CRYL1: variants seen among roughly 807,000 people sequenced by gnomAD.
CRYL1 encodes crystallin lambda 1, also known as lambda-crystallin homolog.
In CRYL1, 29 loss-of-function variants were observed where a neutral mutation model predicts 36.6. The ratio of observed to expected loss-of-function variants is 0.79; its 90% CI spans 0.59 to 1.08. The LOEUF is 1.08. Among genes scored for constraint, CRYL1 ranks in the 50% least tolerant of loss-of-function variants. The probability of loss-of-function intolerance (pLI) is 0.00; values close to 1 mark genes in which losing one functional copy is unlikely to be tolerated. For synonymous variants in CRYL1, 152 were observed against 151.5 expected, an observed-to-expected ratio of 1.00 and a Z score of -0.02; for missense variants, 411 against 407.9, an observed-to-expected ratio of 1.01 and a Z score of -0.06.
rs1033771591 is a variant in CRYL1, at chr13:20,525,668, C to T, written c.41+86G>A. 12 of 1,132,376 alleles carry T rather than the reference C, an allele frequency of 1.1e-5. No homozygotes were observed. The highest frequency in any genetic ancestry group is 1.4e-5 in the Non-Finnish European group (12 of 886,150). 70.1% of individuals were successfully genotyped at this position (1,132,376 alleles called of 1,614,324 possible). A position where few individuals can be genotyped will look rare whatever the true frequency, so the allele number is the denominator to read the frequency against. On this transcript the variant is annotated intron_variant, in intron 1 of 7. Coordinates refer to ENST00000298248, the MANE Select transcript of CRYL1 (RefSeq NM_015974.3). The surrounding 1 kb of genome is among the most constrained non-coding windows in gnomAD (Gnocchi z 4.3). ...CGGGGCGGGGACAGCGACCCGGCGC[C>T]CACCCCGAGGGCCCCACGCGAGGGC...
intron 3 of CRYL1, among the ~76,000 whole-genome samples, chr13:20,482,736 A>AGACTGT (rs2033302880): frequency 7.3e-6 from 1 of 136,514 alleles, no homozygotes; most frequent in South Asian, 2.5e-4. Flanking sequence ...TGTGGCAAGC[A>AGACTGT]GTCTGTGTGT....
intron 3 of CRYL1, among the ~76,000 whole-genome samples, chr13:20,466,680 C>CTGTGTGTGTGTGTGTGTG (rs1289115828): frequency 6.6e-5 from 2 of 30,470 alleles, no homozygotes; most frequent in African/African-American, 2.3e-4. Context: ...CTTTGGAAAA[C>CTGTGTGTGTGTGTGTGTG]TCTGTGTGTG....
intron 3 of CRYL1, among the ~76,000 whole-genome samples, chr13:20,482,674 G>A (rs1241944280): frequency 6.6e-6 from 1 of 152,216 alleles, no homozygotes; most frequent in Non-Finnish European, 1.5e-5. Context: ...ACTGGGCTTC[G>A]CCCCCTGGGG....
intron 1 of CRYL1, among the ~76,000 whole-genome samples, chr13:20,524,852 G>C (rs1343963409): frequency 6.6e-6 from 1 of 151,998 alleles, no homozygotes; most frequent in Non-Finnish European, 1.5e-5. Flanking sequence ...TCTCCACACC[G>C]GGTTGTACAC....
intron 3 of CRYL1, among the ~76,000 whole-genome samples, chr13:20,448,124 G>A (rs1327052771): frequency 2.6e-5 from 4 of 152,162 alleles, no homozygotes; most frequent in Non-Finnish European, 4.4e-5. Flanking sequence ...CAAAGAGAAT[G>A]CTAAAACTGA....
intron 3 of CRYL1, among the ~76,000 whole-genome samples, chr13:20,487,928 C>G (rs888247951): frequency 1.4e-4 from 22 of 152,068 alleles, no homozygotes; most frequent in Non-Finnish European, 2.9e-4. Context: ...ATGGTGAAAC[C>G]CTGTCTCTAC....
rs556983975 is a variant in CRYL1 at position 20,509,916 on chromosome 13, G to A, written c.149+2527C>T. Among the ~76,000 whole-genome samples the A allele has an allele frequency of 4.6e-5, 7 of 152,212 alleles. No homozygotes were observed. In the East Asian group the frequency reaches 1.4e-3, roughly 29 times the overall value. ...TTGCACTCCAGCCTGAGCTACAGAG[G>A]GAGACTGTCTCAAAACAAAACAAGA... On this transcript the variant is annotated intron_variant, in intron 2 of 7. Transcript: ENST00000298248.
chr13:20,439,521 AAAAAAAAAAG>A lies in CRYL1; in HGVS notation c.438+62_438+71del. ...ATTGACCCCCCTCCCCCGCAAAAAAAAAAAAAAAAGAAAAAAAAAAAACACAGAATGAGAT... is the reference window on the plus strand; with the variant it reads ...ATTGACCCCCCTCCCCCGCAAAAAAAAAAAAAAAAAAACACAGAATGAGAT... On this transcript the variant is annotated intron_variant, in intron 4 of 7. Coordinates refer to ENST00000298248, the MANE Select transcript of CRYL1 (RefSeq NM_015974.3). The A allele has an allele frequency of 4.1e-6, 4 of 963,876 alleles. No homozygotes were observed. In the South Asian group the frequency reaches 7.3e-5, roughly 18 times the overall value. The allele number at this position is 963,876 out of a possible 1,614,324, so 59.7% of individuals were successfully genotyped here.
At chr13:20,452,624 A>G (rs7319327) in intron 3 of CRYL1, among the ~76,000 whole-genome samples, 6 of 152,154 alleles carry the variant, frequency 3.9e-5, no homozygotes, top group African/African-American at 2.4e-5. Context: ...TACTATATTG[A>G]TGGATACATG....
At chr13:20,524,831 A>T (rs551232880) in intron 1 of CRYL1, among the ~76,000 whole-genome samples, 1 of 151,938 alleles carries the variant, frequency 6.6e-6, no homozygotes, top group South Asian at 2.1e-4. Context: ...ACACCCTGAC[A>T]TTGGAAGTGG....
intron 6 of CRYL1, among the ~76,000 whole-genome samples, chr13:20,409,719 G>A (rs868109195): frequency 3.2e-3 from 484 of 151,878 alleles, no homozygotes; most frequent in African/African-American, 0.01. Flanking sequence ...AAAAGTGGGC[G>A]AAGGACATGA....
intron 6 of CRYL1, chr13:20,406,225 T>C (rs1002846052): frequency 6.6e-6 from 1 of 152,124 alleles, no homozygotes; most frequent in Non-Finnish European, 1.5e-5. Flanking sequence ...GATGATTAAG[T>C]TAAAATACGA....
chr13:20,428,695 C>T (rs1006128464), intron 5 of CRYL1, among the ~76,000 whole-genome samples: 40 of 152,188 alleles, frequency 2.6e-4, no homozygotes, highest in African/African-American at 9.4e-4. Context: ...TAGCTCCTAC[C>T]TCAAATTGGA....
chr13:20,440,646 G>C (rs2032330292), intron 3 of CRYL1, among the ~76,000 whole-genome samples: 1 of 152,140 alleles, frequency 6.6e-6, no homozygotes, highest in African/African-American at 2.4e-5. Context: ...TATCTGCTTT[G>C]ACCATCAGAT....
At position 20,521,620 on chromosome 13, in the gene CRYL1, T is replaced by A. The variant is rs185330991; in HGVS notation, c.41+4134A>T. Among the ~76,000 whole-genome samples the A allele has an allele frequency of 2.2e-3, 339 of 152,282 alleles. 7 individuals carry two copies. In the South Asian group the frequency reaches 0.058, roughly 26 times the overall value. On this transcript the variant is annotated intron_variant, in intron 1 of 7. Transcript: ENST00000298248. ...TTCCCACTGTGACTATTGCGACATGTCTTAAAGCTTCTGAATTCATGAATC... is the reference window on the plus strand; with the variant it reads ...TTCCCACTGTGACTATTGCGACATGACTTAAAGCTTCTGAATTCATGAATC...
At chr13:20,492,604 T>C (rs2033533006) in intron 2 of CRYL1, among the ~76,000 whole-genome samples, 1 of 152,060 alleles carries the variant, frequency 6.6e-6, no homozygotes, top group Non-Finnish European at 1.5e-5. Context: ...TGCCATCATG[T>C]CTCCTTCCTC....
intron 6 of CRYL1, among the ~76,000 whole-genome samples, chr13:20,411,534 A>G (rs985663816): frequency 6.6e-6 from 1 of 152,204 alleles, no homozygotes; most frequent in Non-Finnish European, 1.5e-5. Context: ...GCGTCTGTAT[A>G]CATTTCAAAT....
chr13:20,426,838 C>A (rs1005410376), intron 5 of CRYL1: 1 of 985,412 alleles, frequency 1.0e-6, no homozygotes, highest in Admixed American at 6.1e-5. Context: ...ATGCCCCAGA[C>A]CACACCCACC....
intron 3 of CRYL1, among the ~76,000 whole-genome samples, chr13:20,443,922 G>C (rs1399290078): frequency 6.6e-6 from 1 of 152,182 alleles, no homozygotes; most frequent in Non-Finnish European, 1.5e-5. Flanking sequence ...ATAGCAAAAG[G>C]AAATCCACTC....
Sources: gnomAD v4.1 joint callset for allele counts (sites outside exome capture counted in the v4.1 genomes callset) on GRCh38, gnomAD v4.1.1 for gene constraint, Gnocchi (gnomAD v3.1) non-coding constraint, MANE v1.5 for transcripts, NCBI Gene and HGNC (gene_info 2026-07-23, HGNC 2026-07-21) for gene names.